MSH3: variants seen among roughly 807,000 people sequenced by gnomAD.
The protein encoded by MSH3 is DNA mismatch repair protein Msh3.
In MSH3, 106 loss-of-function variants were observed where a neutral mutation model predicts 123.3. That is an observed-to-expected ratio of 0.86 (90% CI 0.73 to 1.01). The LOEUF (loss-of-function observed/expected upper bound fraction) is 1.01. MSH3 is among the 50% of genes least tolerant of loss of function. The pLI is 0.00. For missense variants in MSH3, 1,459 were observed against 1,347.6 expected, an observed-to-expected ratio of 1.08 and a Z score of -1.29; for synonymous variants, 515 against 481.4, an observed-to-expected ratio of 1.07 and a Z score of -0.91.
At chr5:80,758,756 C>T (rs1743974666) in intron 12 of MSH3, among the ~76,000 whole-genome samples, 1 of 152,162 alleles carries the variant, frequency 6.6e-6, no homozygotes, top group Non-Finnish European at 1.5e-5. Flanking sequence ...TGGTAGACTT[C>T]ATAAATATGA....
Position 80,871,071 on chromosome 5 carries a change from G to A in MSH3, c.3131-2045G>A, listed in dbSNP as rs573706050. Among the ~76,000 whole-genome samples the A allele has an allele frequency of 6.6e-5, 10 of 152,256 alleles. No individual in the cohort carries two copies. In the South Asian group the frequency reaches 2.1e-3, roughly 32 times the overall value. On this transcript the variant is annotated intron_variant, in intron 22 of 23. Transcript: ENST00000265081. ...TTCTTTTAAAGTTTTAAGTTCATGT[G>A]TATGTATATATATGACAGGCTGGGT...
intron 19 of MSH3, among the ~76,000 whole-genome samples, chr5:80,808,623 G>T (rs775931450): frequency 4.0e-5 from 6 of 151,826 alleles, no homozygotes; most frequent in Non-Finnish European, 7.4e-5. Flanking sequence ...TATATACAAA[G>T]AATTGATTTT....
intron 16 of MSH3, among the ~76,000 whole-genome samples, chr5:80,776,881 A>G (rs189466495): frequency 2.4e-4 from 36 of 147,804 alleles, no homozygotes; most frequent in Non-Finnish European, 4.6e-4. Context: ...TATAATATAT[A>G]TAATACATAT....
chr5:80,848,756 A>G (rs1400166812), intron 20 of MSH3, among the ~76,000 whole-genome samples: 1 of 152,200 alleles, frequency 6.6e-6, no homozygotes, highest in African/African-American at 2.4e-5. Context: ...ACACGTGGGA[A>G]TTATGGGAGC....
At chr5:80,732,544 A>G (rs902575202) in intron 10 of MSH3, among the ~76,000 whole-genome samples, 4 of 152,172 alleles carry the variant, frequency 2.6e-5, no homozygotes, top group African/African-American at 9.6e-5. Context: ...TAAAAAACAC[A>G]TTATTTGGCT....
At chr5:80,866,871 A>ATTTTG (rs1166682743) in intron 22 of MSH3, among the ~76,000 whole-genome samples, 1 of 151,642 alleles carries the variant, frequency 6.6e-6, no homozygotes, top group African/African-American at 2.4e-5. Flanking sequence ...CATTTTTTCC[A>ATTTTG]TTTTGTTTTG....
intron 2 of MSH3, among the ~76,000 whole-genome samples, chr5:80,661,187 G>T (rs571624760): frequency 3.3e-5 from 5 of 152,236 alleles, no homozygotes; most frequent in Non-Finnish European, 7.4e-5. Context: ...GGGTTTATAG[G>T]TCTTATTAAA....
At chr5:80,824,714 G>A (rs1462326040) in intron 20 of MSH3, among the ~76,000 whole-genome samples, 1 of 152,160 alleles carries the variant, frequency 6.6e-6, no homozygotes, top group Non-Finnish European at 1.5e-5. Context: ...AAGTCTACAA[G>A]TATACATCTT....
intron 20 of MSH3, among the ~76,000 whole-genome samples, chr5:80,820,586 G>A (rs1466577136): frequency 1.3e-5 from 2 of 152,104 alleles, no homozygotes; most frequent in African/African-American, 4.8e-5. Flanking sequence ...TAAATAAGAT[G>A]TGTTGACATA....
chr5:80,724,463 T>G (rs1453848367), intron 8 of MSH3, among the ~76,000 whole-genome samples: 1 of 152,106 alleles, frequency 6.6e-6, no homozygotes, highest in African/African-American at 2.4e-5. Context: ...TTCTAGGCTG[T>G]TAACATGAGA....
At chr5:80,762,590 A>G (rs1744052719) in intron 13 of MSH3, among the ~76,000 whole-genome samples, 2 of 151,356 alleles carry the variant, frequency 1.3e-5, no homozygotes. Context: ...TTTGGATGCT[A>G]TCATGTTTGA....
intron 21 of MSH3, among the ~76,000 whole-genome samples, chr5:80,858,676 A>T (rs1486180875): frequency 6.6e-6 from 1 of 152,128 alleles, no homozygotes; most frequent in East Asian, 1.9e-4. Flanking sequence ...ATGAATGTGT[A>T]TTCAGCTGTT....
intron 13 of MSH3, among the ~76,000 whole-genome samples, chr5:80,766,990 ATG>A (rs988656374): frequency 1.1e-4 from 17 of 152,248 alleles, no homozygotes; most frequent in Middle Eastern, 3.4e-3. Context: ...ATATACATAT[ATG>A]GTATATGATA....
chr5:80,790,894 G>GT (rs1160790795), intron 18 of MSH3, among the ~76,000 whole-genome samples: 1 of 152,194 alleles, frequency 6.6e-6, no homozygotes, highest in Non-Finnish European at 1.5e-5. Context: ...GAAATTTCAT[G>GT]TATCAGCAAA....
intron 19 of MSH3, among the ~76,000 whole-genome samples, chr5:80,801,631 C>G (rs959905353): frequency 2.0e-5 from 3 of 152,196 alleles, no homozygotes; most frequent in African/African-American, 7.2e-5. Context: ...GTTCACCATG[C>G]ACCACTTTTC....
chr5:80,806,712 C>T (rs982531630), intron 19 of MSH3, among the ~76,000 whole-genome samples: 4 of 152,094 alleles, frequency 2.6e-5, no homozygotes, highest in African/African-American at 9.7e-5. Context: ...AGCTTTTGCT[C>T]CTCTCTCTAT....
In MSH3 at chr5:80,822,632, C is replaced by T. The variant is rs760412221; in HGVS notation, c.2813+8891C>T. On this transcript the variant is annotated intron_variant, in intron 20 of 23. Coordinates refer to ENST00000265081, the MANE Select transcript of MSH3 (RefSeq NM_002439.5). ...GATGTGAAATCACTATGAAGTGCTT[C>T]TCTTAGTTGTTCTCATTGAAAGAAG... 5.5e-4 allele frequency among the ~76,000 whole-genome samples: 84 copies of T among 152,302 alleles called. 1 individual carries two copies. The highest frequency in any genetic ancestry group is 8.8e-4 in the Non-Finnish European group (60 of 68,022).
At chr5:80,770,830 A>G (rs1744202714) in intron 15 of MSH3, among the ~76,000 whole-genome samples, 1 of 152,244 alleles carries the variant, frequency 6.6e-6, no homozygotes, top group African/African-American at 2.4e-5. Context: ...TTCATTTGGC[A>G]GTTTTTGAGT....
intron 17 of MSH3, among the ~76,000 whole-genome samples, chr5:80,779,091 A>T (rs892381191): frequency 6.6e-6 from 1 of 150,824 alleles, no homozygotes; most frequent in Admixed American, 6.6e-5. Context: ...TCTCAGGTTC[A>T]AGCAATTCTT....
Sources: gnomAD v4.1 joint callset for allele counts (sites outside exome capture counted in the v4.1 genomes callset) on GRCh38, gnomAD v4.1.1 for gene constraint, MANE v1.5 for transcripts, NCBI Gene and HGNC (gene_info 2026-07-23, HGNC 2026-07-21) for gene names.